ADK: variants seen among roughly 807,000 people sequenced by gnomAD.
ADK encodes N6,N6-dimethyladenosine kinase.
A neutral mutation model predicts 44.7 loss-of-function variants in ADK; 24 were observed. That is an observed-to-expected ratio of 0.54 (90% CI 0.39 to 0.76). The LOEUF is 0.76. ADK is among the 30% of genes least tolerant of loss of function. ADK has a pLI of 0.00. For missense variants in ADK, 321 were observed against 425.1 expected (o/e 0.76, Z 2.15); for synonymous variants, 128 against 142.6 (o/e 0.90, Z 0.73).
At chr10:74,190,194 G>A (rs766987631) in intron 1 of ADK, among the ~76,000 whole-genome samples, 1 of 152,160 alleles carries the variant, frequency 6.6e-6, no homozygotes, top group African/African-American at 2.4e-5. Context: ...TTTATAATTT[G>A]CAACAGCAAT....
chr10:74,220,503 C>T (rs1844263144), intron 2 of ADK, among the ~76,000 whole-genome samples: 1 of 152,020 alleles, frequency 6.6e-6, no homozygotes, highest in African/African-American at 2.4e-5. Flanking sequence ...AGAGGGAATC[C>T]TCCCTAACTC....
chr10:74,425,441 G>A (rs1244201775), intron 6 of ADK, among the ~76,000 whole-genome samples: 1 of 151,840 alleles, frequency 6.6e-6, no homozygotes, highest in Non-Finnish European at 1.5e-5. Context: ...TATCGTTAAT[G>A]TACCCTAGAA....
intron 7 of ADK, among the ~76,000 whole-genome samples, chr10:74,534,188 G>A (rs1165118866): frequency 1.3e-5 from 2 of 152,144 alleles, no homozygotes; most frequent in Non-Finnish European, 1.5e-5. Flanking sequence ...TCCCATTGAG[G>A]TTGTGGTTGC....
intron 10 of ADK, among the ~76,000 whole-genome samples, chr10:74,706,105 G>T (rs973573185): frequency 6.6e-6 from 1 of 152,116 alleles, no homozygotes; most frequent in African/African-American, 2.4e-5. Context: ...AGGCCAAGGC[G>T]GGCAGATTAC....
chr10:74,354,155 T>C (rs1842059263), intron 4 of ADK, among the ~76,000 whole-genome samples: 1 of 152,228 alleles, frequency 6.6e-6, no homozygotes, highest in Non-Finnish European at 1.5e-5. Context: ...ACAGAAGTTG[T>C]GTGTAAGAAT....
At chr10:74,500,771 T>A (rs745837812) in intron 6 of ADK, among the ~76,000 whole-genome samples, 18 of 152,200 alleles carry the variant, frequency 1.2e-4, no homozygotes, top group Admixed American at 6.5e-4. Context: ...TCAAGGGCTA[T>A]CTATCCCTTT....
chr10:74,495,100 G>A (rs1847635235), intron 6 of ADK, among the ~76,000 whole-genome samples: 1 of 151,892 alleles, frequency 6.6e-6, no homozygotes, highest in Admixed American at 6.6e-5. Flanking sequence ...TTCTCTAGAA[G>A]CATTTATGAT....
chr10:74,280,496 T>C (rs1260282446), intron 3 of ADK, among the ~76,000 whole-genome samples: 1 of 151,710 alleles, frequency 6.6e-6, no homozygotes, highest in Non-Finnish European at 1.5e-5. Flanking sequence ...GTGTCTAACT[T>C]CTGGCCTCAA....
intron 7 of ADK, among the ~76,000 whole-genome samples, chr10:74,580,230 A>G (rs1054934830): frequency 5.9e-5 from 9 of 152,154 alleles, no homozygotes; most frequent in Non-Finnish European, 1.5e-5. Flanking sequence ...AGTCTTTCCC[A>G]TCCTATTCTC....
At chr10:74,305,267 G>A (rs184154663) in intron 3 of ADK, among the ~76,000 whole-genome samples, 1 of 152,194 alleles carries the variant, frequency 6.6e-6, no homozygotes, top group Non-Finnish European at 1.5e-5. Context: ...CTTGCCCCAT[G>A]TCATATAATT....
intron 3 of ADK, among the ~76,000 whole-genome samples, chr10:74,309,702 C>G (rs1347147058): frequency 4.8e-5 from 7 of 145,264 alleles, no homozygotes; most frequent in African/African-American, 1.8e-4. Flanking sequence ...CACCATCACT[C>G]TTGAAAAGAA....
At chr10:74,481,988 C>G (rs1847089812) in intron 6 of ADK, among the ~76,000 whole-genome samples, 1 of 152,142 alleles carries the variant, frequency 6.6e-6, no homozygotes, top group Non-Finnish European at 1.5e-5. Context: ...AGGGAAGATT[C>G]ATCGTAGTTT....
intron 3 of ADK, among the ~76,000 whole-genome samples, chr10:74,282,983 A>G (rs1847007037): frequency 6.6e-6 from 1 of 152,210 alleles, no homozygotes; most frequent in Non-Finnish European, 1.5e-5. Flanking sequence ...TTACTGACGT[A>G]GAAGCAAGCT....
At chr10:74,502,078 T>C (rs1346457383) in intron 6 of ADK, among the ~76,000 whole-genome samples, 1 of 152,116 alleles carries the variant, frequency 6.6e-6, no homozygotes, top group Non-Finnish European at 1.5e-5. Context: ...TCTCCTGTTT[T>C]TCACAAATGA....
intron 6 of ADK, among the ~76,000 whole-genome samples, chr10:74,505,049 G>T (rs560441431): frequency 1.6e-4 from 25 of 152,280 alleles, no homozygotes; most frequent in African/African-American, 5.3e-4. Context: ...GAAGAGGAGG[G>T]TGGGGAAGAG....
intron 3 of ADK, among the ~76,000 whole-genome samples, chr10:74,293,127 C>T (rs1839679285): frequency 8.0e-6 from 1 of 124,336 alleles, no homozygotes; most frequent in African/African-American, 3.2e-5. Context: ...GATTGTATCA[C>T]TTCACTCCAG....
intron 6 of ADK, among the ~76,000 whole-genome samples, chr10:74,482,803 G>A (rs1320286383): frequency 6.6e-6 from 1 of 152,218 alleles, no homozygotes; most frequent in Non-Finnish European, 1.5e-5. Flanking sequence ...AATAATCTTT[G>A]ACTCTATGTC....
At chr10:74,206,449 A>G (rs1449186966) in intron 2 of ADK, among the ~76,000 whole-genome samples, 1 of 152,204 alleles carries the variant, frequency 6.6e-6, no homozygotes, top group African/African-American at 2.4e-5. Context: ...TCATTGTTTC[A>G]GTAGCTACTG....
intron 4 of ADK, among the ~76,000 whole-genome samples, chr10:74,362,123 G>A (rs974192221): frequency 5.3e-5 from 8 of 152,028 alleles, no homozygotes; most frequent in African/African-American, 1.9e-4. Context: ...GGTATGGAAA[G>A]TTTTCTGTTA....
Sources: allele counts gnomAD v4.1 joint callset (sites outside exome capture counted in the v4.1 genomes callset), GRCh38; gene constraint gnomAD v4.1.1; transcripts MANE v1.5; gene names NCBI Gene and HGNC (gene_info 2026-07-23, HGNC 2026-07-21).